DAB1: variants seen among roughly 807,000 people sequenced by gnomAD.
DAB1 encodes the protein DAB adaptor protein 1, also known as disabled homolog 1.
A neutral mutation model predicts 64.6 loss-of-function variants in DAB1; 15 were observed. The observed-to-expected ratio is 0.23, with a 90% CI of 0.16 to 0.36. The LOEUF (loss-of-function observed/expected upper bound fraction) is 0.36. Among genes scored for constraint, DAB1 ranks in the 10% least tolerant of loss-of-function variants. DAB1 has a pLI of 1.00. For missense variants in DAB1, 596 were observed against 706.7 expected (o/e 0.84, Z 1.78); for synonymous variants, 235 against 251.9 (o/e 0.93, Z 0.64).
At chr1:57,475,139 C>T (rs1247684317) in intron 7 of DAB1, among the ~76,000 whole-genome samples, 4 of 152,052 alleles carry the variant, frequency 2.6e-5, no homozygotes, top group Non-Finnish European at 4.4e-5. Flanking sequence ...TAGCCAGGCG[C>T]AGTGGTGCCC....
At position 58,237,012 on chromosome 1, in the gene DAB1, T is replaced by G. The variant is rs540796153; in HGVS notation, n.310-86424A>C. ...TCCCTCTTCCCACTATACTTCAATATAGACCCCAATAACAAGAAATATTTC... is the reference window on the plus strand; with the variant it reads ...TCCCTCTTCCCACTATACTTCAATAGAGACCCCAATAACAAGAAATATTTC... On this transcript the variant is annotated intron_variant and non_coding_transcript_variant, in intron 4 of 20. Transcript: ENST00000485760. 1.3e-5 allele frequency among the ~76,000 whole-genome samples: 2 copies of G among 149,832 alleles called. 1 individual carries two copies. Among genetic ancestry groups the G allele is most frequent in the East Asian group, 3.9e-4 (2 of 5,176 alleles).
intron 2 of DAB1, among the ~76,000 whole-genome samples, chr1:57,235,279 G>A (rs1198371385): frequency 6.6e-6 from 1 of 152,030 alleles, no homozygotes; most frequent in Non-Finnish European, 1.5e-5. Context: ...TTAAAATAAG[G>A]GACATTATTA....
At position 57,282,182 on chromosome 1, in the gene DAB1, CAAAAAAAAAAAAAAAAAAA is replaced by C. The variant is rs61512431; in HGVS notation, c.67+8763_67+8781del. ...TGGGTGACAGAGCAAGCCTTCTTCT[CAAAAAAAAAAAAAAAAAAA>C]AAAAAAAAAAACAGGTGACTGAGTT... On this transcript the variant is annotated intron_variant, in intron 2 of 14. Coordinates refer to ENST00000371236, the MANE Select transcript of DAB1 (RefSeq NM_001365792.1). Among the ~76,000 whole-genome samples the C allele has an allele frequency of 4.3e-5, 4 of 92,786 alleles. No individual in the cohort carries two copies. In the East Asian group the frequency reaches 1.2e-3, roughly 27 times the overall value. 60.9% of individuals were successfully genotyped at this position (92,786 alleles called of 152,430 possible).
intron 1 of DAB1, among the ~76,000 whole-genome samples, chr1:57,338,733 T>C (rs1677306865): frequency 6.6e-6 from 1 of 152,134 alleles, no homozygotes; most frequent in African/African-American, 2.4e-5. Flanking sequence ...AAAACTATAG[T>C]CTTTGAAAAC....
At position 57,125,043 on chromosome 1, in the gene DAB1, T is replaced by G. The variant is rs543191820; in HGVS notation, c.306+11500A>C. On this transcript the variant is annotated intron_variant, in intron 4 of 14. Coordinates refer to ENST00000371236, the MANE Select transcript of DAB1 (RefSeq NM_001365792.1). ...ATTGTGAGGACAGAATGAGTCAGTG[T>G]GCATAATTTACTCAGCACAGTCACC... 1.1e-3 allele frequency among the ~76,000 whole-genome samples: 168 copies of G among 151,976 alleles called. 3 individuals carry two copies. In the South Asian group the frequency reaches 0.034, roughly 31 times the overall value.
intron 5 of DAB1, among the ~76,000 whole-genome samples, chr1:57,929,727 T>C (rs777890355): frequency 9.2e-5 from 14 of 152,080 alleles, no homozygotes; most frequent in Non-Finnish European, 1.6e-4. Flanking sequence ...GTAGAAAAGG[T>C]CCAAGGGGAA....
intron 3 of DAB1, among the ~76,000 whole-genome samples, chr1:58,442,411 G>A (rs183217660): frequency 7.7e-4 from 117 of 152,008 alleles, no homozygotes; most frequent in Admixed American, 3.0e-3. Flanking sequence ...AGCAGTGAGA[G>A]ATTGAAATCT....
chr1:57,894,317 C>G (rs1034836545), intron 5 of DAB1, among the ~76,000 whole-genome samples: 1 of 152,162 alleles, frequency 6.6e-6, no homozygotes, highest in Non-Finnish European at 1.5e-5. Context: ...TCTAAGGAGG[C>G]AAGAATTGAC....
chr1:58,026,511 A>C (rs1646897399), intron 5 of DAB1, among the ~76,000 whole-genome samples: 1 of 152,188 alleles, frequency 6.6e-6, no homozygotes, highest in Non-Finnish European at 1.5e-5. Flanking sequence ...CATCATATAA[A>C]CTATTGAATA....
At chr1:57,943,895 C>T (rs755211182) in intron 5 of DAB1, among the ~76,000 whole-genome samples, 57 of 152,014 alleles carry the variant, frequency 3.7e-4, no homozygotes, top group Non-Finnish European at 6.2e-4. Flanking sequence ...AGTTCTGCTG[C>T]GGAAAGAATA....
intron 3 of DAB1, among the ~76,000 whole-genome samples, chr1:58,409,105 C>G (rs1644643714): frequency 6.6e-6 from 1 of 152,154 alleles, no homozygotes; most frequent in South Asian, 2.1e-4. Flanking sequence ...CTCCTTGGTG[C>G]TTTATATAAA....
intron 1 of DAB1, among the ~76,000 whole-genome samples, chr1:57,319,999 T>A (rs1316879039): frequency 1.3e-5 from 2 of 152,194 alleles, no homozygotes; most frequent in African/African-American, 4.8e-5. Context: ...GAGCCCCTGA[T>A]AACAACTTTG....
intron 1 of DAB1, among the ~76,000 whole-genome samples, chr1:57,357,522 T>TTC (rs1378592206): frequency 1.3e-5 from 2 of 150,444 alleles, no homozygotes; most frequent in Non-Finnish European, 3.0e-5. Flanking sequence ...CTTCTTCCTT[T>TTC]TTTTTTTTTT....
rs544000204 is a variant in DAB1 at position 57,866,053 on chromosome 1, T to C, written n.87+17946A>G. ...TCTTTCATAGGGGCACTGATCCCAT[T>C]CATGAGAGCAGAGGATTTCAACATA... On this transcript the variant is annotated intron_variant and non_coding_transcript_variant, in intron 1 of 1. Coordinates refer to the DAB1 transcript ENST00000477280. Among the ~76,000 whole-genome samples the C allele has an allele frequency of 8.5e-5, 13 of 152,320 alleles. 2 individuals carry two copies. The South Asian group carries it at 2.1e-3, about 24-fold the overall frequency.
chr1:57,904,504 C>A (rs982102270), intron 5 of DAB1, among the ~76,000 whole-genome samples: 1 of 151,918 alleles, frequency 6.6e-6, no homozygotes, highest in Admixed American at 6.6e-5. Context: ...AACAAACCAA[C>A]AAGAAAACTG....
intron 4 of DAB1, among the ~76,000 whole-genome samples, chr1:58,327,579 C>A (rs963783291): frequency 6.6e-6 from 1 of 152,134 alleles, no homozygotes. Context: ...TGTTGCTTCT[C>A]CCCCTATTTG....
chr1:58,070,908 G>A (rs1225285519), intron 5 of DAB1, among the ~76,000 whole-genome samples: 2 of 152,220 alleles, frequency 1.3e-5, no homozygotes, highest in Admixed American at 1.3e-4. Flanking sequence ...GAAATGTTGA[G>A]TGTCAGGTGC....
chr1:58,198,934 C>G (rs944724706), intron 4 of DAB1, among the ~76,000 whole-genome samples: 5 of 152,092 alleles, frequency 3.3e-5, no homozygotes, highest in African/African-American at 1.2e-4. Context: ...GGTGAAACTT[C>G]ATCTCTACTA....
At chr1:57,137,528 G>T (rs529870382) in intron 3 of DAB1, among the ~76,000 whole-genome samples, 2 of 152,188 alleles carry the variant, frequency 1.3e-5, no homozygotes, top group East Asian at 3.9e-4. Context: ...GGAAAGCATG[G>T]GCTCCATACT....
Sources: gnomAD v4.1 joint callset for allele counts (sites outside exome capture counted in the v4.1 genomes callset) on GRCh38, gnomAD v4.1.1 for gene constraint, MANE v1.5 for transcripts, NCBI Gene and HGNC (gene_info 2026-07-23, HGNC 2026-07-21) for gene names.